Variants in SORL1 observed in about 807,000 individuals in gnomAD.
The protein encoded by SORL1 is sortilin related receptor 1, also known as sortilin-related receptor.
A neutral mutation model predicts 273.7 loss-of-function variants in SORL1; 127 were observed. That is an observed-to-expected ratio of 0.46 (90% confidence interval 0.40 to 0.54). The LOEUF (loss-of-function observed/expected upper bound fraction) is 0.54, where lower values mean the gene tolerates loss of function less well. Ranked by LOEUF, SORL1 falls within the 20% of genes least tolerant of loss-of-function variation. The probability of loss-of-function intolerance (pLI) is 0.00; values close to 1 mark genes in which losing one functional copy is unlikely to be tolerated. For missense variants in SORL1, 2,494 were observed against 2,846.1 expected, an observed-to-expected ratio of 0.88 and a Z score of 2.81; for synonymous variants, 1,031 against 1,067.4, an observed-to-expected ratio of 0.97 and a Z score of 0.66.
chr11:121,576,116 T>G (rs1334878080), intron 24 of SORL1, among the ~76,000 whole-genome samples: 1 of 152,236 alleles, frequency 6.6e-6, no homozygotes, highest in Admixed American at 6.5e-5. Context: ...CTCTGTAAAC[T>G]CCATGTGAAA....
At chr11:121,582,047 C>G (rs1863022108) in intron 25 of SORL1, among the ~76,000 whole-genome samples, 1 of 152,176 alleles carries the variant, frequency 6.6e-6, no homozygotes, top group Admixed American at 6.5e-5. Context: ...TTAATGGATT[C>G]TGAGTGCCAA....
chr11:121,568,504 A>AT (rs541017006), intron 22 of SORL1, among the ~76,000 whole-genome samples: 229 of 152,072 alleles, frequency 1.5e-3, no homozygotes, highest in African/African-American at 5.1e-3. Flanking sequence ...CAAACTATAC[A>AT]TTTTTTTTCT....
chr11:121,599,513 C>T (rs1269252061), intron 32 of SORL1, among the ~76,000 whole-genome samples: 1 of 152,216 alleles, frequency 6.6e-6, no homozygotes, highest in Non-Finnish European at 1.5e-5. Context: ...CATTGCACTC[C>T]AGCCTGGGCA....
At chr11:121,455,174 A>T (rs1464990614) in intron 1 of SORL1, among the ~76,000 whole-genome samples, 1 of 152,120 alleles carries the variant, frequency 6.6e-6, no homozygotes, top group Non-Finnish European at 1.5e-5. Flanking sequence ...GAGCAAGCAG[A>T]TGCAGATACA....
intron 2 of SORL1, among the ~76,000 whole-genome samples, chr11:121,476,224 A>G (rs1271216353): frequency 6.6e-6 from 1 of 152,212 alleles, no homozygotes; most frequent in Non-Finnish European, 1.5e-5. Context: ...CTTGGCCGGC[A>G]GAATAGAAGT....
intron 14 of SORL1, among the ~76,000 whole-genome samples, chr11:121,548,714 G>A (rs960408664): frequency 6.6e-6 from 1 of 151,972 alleles, no homozygotes; most frequent in Non-Finnish European, 1.5e-5. Context: ...TTACAGGTGC[G>A]TGCCACCATG....
At chr11:121,473,434 G>A (rs1861204533) in intron 2 of SORL1, among the ~76,000 whole-genome samples, 1 of 152,254 alleles carries the variant, frequency 6.6e-6, no homozygotes, top group Admixed American at 6.5e-5. Context: ...CATCTGTCCT[G>A]TGATAAATCA....
At chr11:121,557,926 A>G (rs1862615704) in intron 19 of SORL1, among the ~76,000 whole-genome samples, 1 of 152,212 alleles carries the variant, frequency 6.6e-6, no homozygotes, top group African/African-American at 2.4e-5. Flanking sequence ...AGCATTTATG[A>G]TAGAGAATTG....
rs1862487135 is a variant in SORL1 at position 121,550,175 on chromosome 11, C to T, written c.2180+87C>T. 2 of 1,350,764 alleles carry T rather than the reference C, an allele frequency of 1.5e-6. No homozygotes were observed. The highest frequency in any genetic ancestry group is 2.6e-5 in the Admixed American group (1 of 37,740). The allele number at this position is 1,350,764 out of a possible 1,614,324, so 83.7% of individuals were successfully genotyped here. A position where few individuals can be genotyped will look rare whatever the true frequency, so the allele number is the denominator to read the frequency against. ...ATAGAGGACCGTCTGGATTGCTCTA[C>T]ACTCGAAATTCTAGAATTCCAAGTT... On this transcript the variant is annotated intron_variant, in intron 15 of 47. Transcript: ENST00000260197. The surrounding 1 kb of genome is among the most constrained non-coding windows in gnomAD (Gnocchi z 5.3).
chr11:121,500,299 T>A (rs1217327651), intron 6 of SORL1, among the ~76,000 whole-genome samples: 1 of 152,232 alleles, frequency 6.6e-6, no homozygotes, highest in African/African-American at 2.4e-5. Context: ...ATTAAGATTA[T>A]CATGCAAGCC....
At chr11:121,460,056 C>T (rs928215917) in intron 1 of SORL1, among the ~76,000 whole-genome samples, 1 of 152,230 alleles carries the variant, frequency 6.6e-6, no homozygotes. Context: ...TGATTATATC[C>T]CAAATCTGAG....
intron 2 of SORL1, among the ~76,000 whole-genome samples, chr11:121,475,194 G>T (rs1028694749): frequency 3.3e-5 from 5 of 152,194 alleles, no homozygotes; most frequent in African/African-American, 1.2e-4. Flanking sequence ...TTGACCCCGG[G>T]AGGTCAAGGC....
chr11:121,522,137 T>C (rs1312470643), intron 9 of SORL1, among the ~76,000 whole-genome samples: 1 of 152,254 alleles, frequency 6.6e-6, no homozygotes, highest in Non-Finnish European at 1.5e-5. Context: ...TCCATGAGAC[T>C]TATGACTTCT....
chr11:121,574,217 T>A, intron 23 of SORL1, 24 bp from the exon 24 acceptor site: 1 of 1,612,270 alleles, frequency 6.2e-7, no homozygotes, highest in Non-Finnish European at 8.5e-7. Flanking sequence ...CTAAGGAATA[T>A]GTTGTCTTTC....
rs1452587116 is a variant in SORL1, at chr11:121,627,497, A to G, written c.6365-58A>G. ...TTGGTGGGTGGGGCCTTGAGGAGTC[A>G]TCTGGTCTGTTCTCCTGCCCTCAGG... is the stretch of plus-strand genomic sequence containing the variant. On this transcript the variant is annotated intron_variant, in intron 46 of 47. Coordinates refer to ENST00000260197, the MANE Select transcript of SORL1 (RefSeq NM_003105.6). This position sits in a 1 kb window ranked among gnomAD's most constrained non-coding sequence, Gnocchi z 4.9. 9.0e-6 allele frequency: 13 copies of G among 1,443,564 alleles called. No homozygotes were observed. Among genetic ancestry groups the G allele is most frequent in the Non-Finnish European group, 1.3e-5 (13 of 1,026,648 alleles). The allele number at this position is 1,443,564 out of a possible 1,614,324, so 89.4% of individuals were successfully genotyped here. A position where few individuals can be genotyped will look rare whatever the true frequency, so the allele number is the denominator to read the frequency against.
At chr11:121,586,192 A>G in intron 26 of SORL1, 30 bp from the exon 27 acceptor site, 1 of 1,552,652 alleles carries the variant, frequency 6.4e-7, no homozygotes, top group Non-Finnish European at 8.9e-7. Context: ...CCTCCTCGTC[A>G]TTCTTCTGTG....
intron 22 of SORL1, among the ~76,000 whole-genome samples, chr11:121,568,984 A>G (rs1862794999): frequency 6.6e-6 from 1 of 152,198 alleles, no homozygotes; most frequent in Non-Finnish European, 1.5e-5. Context: ...GAACGGAGGG[A>G]CCAGCTGAAG....
In SORL1 at chr11:121,488,021, T is replaced by G; in HGVS notation, c.529-11T>G. ...AGGGCCTGCTCTCAACTTACCTGTT[T>G]TCCCTTGCAGTACATCTTTGCAGAC... On this transcript the variant is annotated splice_polypyrimidine_tract_variant and intron_variant, in intron 3 of 47. Transcript: ENST00000260197. 1 of 1,613,920 alleles carries G rather than the reference T, an allele frequency of 6.2e-7. No homozygotes were observed. Among genetic ancestry groups the G allele is most frequent in the Non-Finnish European group, 8.5e-7 (1 of 1,179,840 alleles).
In SORL1 at chr11:121,532,548, C is replaced by CTAAA; in HGVS notation, c.1682_1685dup (p.Lys562AsnfsTer7). 1 of 1,613,902 alleles carries CTAAA rather than the reference C, an allele frequency of 6.2e-7. No homozygotes were observed. Among genetic ancestry groups the CTAAA allele is most frequent in the Non-Finnish European group, 8.5e-7 (1 of 1,179,810 alleles). On this transcript the variant is annotated frameshift_variant, in exon 12 of 48. Coordinates refer to ENST00000260197, the MANE Select transcript of SORL1 (RefSeq NM_003105.6). LOFTEE classifies it high-confidence loss of function. Reference sequence around the variant, plus strand: ...TGCCCAGGGCATGGAAACCAACGAGCTAAAGTAAGTGTCTCTGATGAGGCC... The same window carrying CTAAA: ...TGCCCAGGGCATGGAAACCAACGAGCTAAATAAAGTAAGTGTCTCTGATGAGGCC...
Sources: allele counts gnomAD v4.1 joint callset (sites outside exome capture counted in the v4.1 genomes callset), GRCh38; gene constraint gnomAD v4.1.1; non-coding constraint Gnocchi (gnomAD v3.1); transcripts MANE v1.5; gene names NCBI Gene and HGNC (gene_info 2026-07-23, HGNC 2026-07-21).